ANKRD24: variants seen among roughly 807,000 people sequenced by gnomAD.
The protein encoded by ANKRD24 is ankyrin repeat domain-containing protein 24.
Under a neutral mutation model 127.8 loss-of-function variants are expected in ANKRD24, and 109 were observed. That is an observed-to-expected ratio of 0.85 (90% CI 0.73 to 1.00). The LOEUF (loss-of-function observed/expected upper bound fraction) is 1.00, where lower values mean the gene tolerates loss of function less well. Ranked by LOEUF, ANKRD24 falls within the 50% of genes least tolerant of loss-of-function variation. The pLI, the probability that ANKRD24 is intolerant of heterozygous loss-of-function variation, is 0.00. For missense variants in ANKRD24, 1,648 were observed against 1,570.2 expected (o/e 1.05, Z -0.84); for synonymous variants, 743 against 671.1 (o/e 1.11, Z -1.66).
At chr19:4,210,709 ACACTTCCCATGCC>A (rs139610132) in intron 13 of ANKRD24, among the ~76,000 whole-genome samples, 24,248 of 147,334 alleles carry the variant, frequency 0.16, 2,333 homozygotes, top group East Asian at 0.32. Flanking sequence ...CTCGCCAAAG[ACACTTCCCATGCC>A]CACTTCCCAT....
At position 4,186,404 on chromosome 19, in the gene ANKRD24, G is replaced by T. The variant is rs775812232; in HGVS notation, c.-22G>T. ...GCCCTCCTCAGGTGGCCTGTGGAGA[G>T]GAGAAACACAGGGCACCAACTATGA... On this transcript the variant is annotated 5_prime_UTR_variant, in exon 2 of 22. The change creates a new upstream start codon in the 5' untranslated region. Coordinates refer to ENST00000318934, the MANE Select transcript of ANKRD24 (RefSeq NM_001393985.1). 3 of 1,582,024 alleles carry T rather than the reference G, an allele frequency of 1.9e-6. No homozygotes were observed. In the South Asian group the frequency reaches 3.5e-5, roughly 18 times the overall value.
In ANKRD24 at chr19:4,199,697, CA is replaced by C. The variant is rs1432441785; in HGVS notation, c.52del (p.Thr18LeufsTer61). 1 of 1,537,850 alleles carries C rather than the reference CA, an allele frequency of 6.5e-7. No homozygotes were observed. The highest frequency in any genetic ancestry group is 8.7e-7 in the Non-Finnish European group (1 of 1,144,694). Reference protein sequence around the residue: ...FKKTELRLSPTDLGSCPPCGP... With the variant: ...FKKTELRLSPXDLGSCPPCGP... ...TCCCCCTGCAGCTGCGGCTCAGCCC[CA>C]CTGACCTTGGCTCCTGCCCGCCCTG... On this transcript the variant is annotated frameshift_variant, in exon 3 of 22. Transcript: ENST00000318934. LOFTEE classifies it high-confidence loss of function. The surrounding 1 kb of genome is among the most constrained non-coding windows in gnomAD (Gnocchi z 5.2).
chr19:4,212,452 CCT>C, intron 13 of ANKRD24, 21 bp from the exon 14 acceptor site: 3 of 1,574,500 alleles, frequency 1.9e-6, no homozygotes, highest in Non-Finnish European at 2.6e-6. Flanking sequence ...GATCCAAACC[CCT>C]GTCCCTGTTT....
chr19:4,210,074 A>G lies in ANKRD24; in HGVS notation c.887A>G (p.His296Arg). Residue 296 changes from histidine (H) to arginine (R), a missense_variant, in exon 12 of 22, where the codon CAT becomes CGT. Transcript: ENST00000318934. ...CCTTCCCAGAACTCTATGTCCAGCC[A>G]TGGAAAGCAGGGGGCCCCCAAGAAG... ...EASSQNSMSS[H>R]GKQGAPKKRK... The G allele has an allele frequency of 1.2e-6, 2 of 1,611,896 alleles. No homozygotes were observed. The highest frequency in any genetic ancestry group is 1.7e-6 in the Non-Finnish European group (2 of 1,179,164).
intron 5 of ANKRD24, among the ~76,000 whole-genome samples, chr19:4,200,662 T>C (rs1394586059): frequency 1.3e-5 from 2 of 152,048 alleles, no homozygotes; most frequent in South Asian, 2.1e-4. Flanking sequence ...GCTAGGACTA[T>C]AGGCGCACAC....
chr19:4,200,023 G>A lies in ANKRD24; in HGVS notation c.254+18G>A, dbSNP rs748972060. ...AAGTCCGCGTGAGTGCCCGCGACCCGGGAGTGAGATGGCTGAGGGGTGGCA... is the reference window on the plus strand; with the variant it reads ...AAGTCCGCGTGAGTGCCCGCGACCCAGGAGTGAGATGGCTGAGGGGTGGCA... On this transcript the variant is annotated intron_variant, in intron 4 of 21. Transcript: ENST00000318934. The A allele has an allele frequency of 3.5e-5, 54 of 1,564,020 alleles. No individual in the cohort carries two copies. The highest frequency in any genetic ancestry group is 1.9e-4 in the Admixed American group (10 of 53,344).
chr19:4,214,592 G>A (rs952645185), intron 15 of ANKRD24, among the ~76,000 whole-genome samples: 18 of 152,088 alleles, frequency 1.2e-4, no homozygotes, highest in African/African-American at 3.6e-4. Flanking sequence ...GGTGGCTCAC[G>A]CCTGTAATCT....
chr19:4,189,121 G>A (rs1968230814), intron 2 of ANKRD24, among the ~76,000 whole-genome samples: 1 of 147,950 alleles, frequency 6.8e-6, no homozygotes, highest in Non-Finnish European at 1.5e-5. Flanking sequence ...ATTTTATTTT[G>A]TTTTTAAACT....
chr19:4,202,789 C>T, intron 6 of ANKRD24, 80 bp from the exon 7 acceptor site: 1 of 1,447,952 alleles, frequency 6.9e-7, no homozygotes, highest in African/African-American at 1.4e-5. Context: ...ATAGCAGAGC[C>T]CAGGGTAGGG....
At chr19:4,212,030 C>T (rs1393762356) in intron 13 of ANKRD24, among the ~76,000 whole-genome samples, 1 of 152,006 alleles carries the variant, frequency 6.6e-6, no homozygotes, top group African/African-American at 2.4e-5. Flanking sequence ...GAAACCCCGT[C>T]TCTACTAAAA....
intron 7 of ANKRD24, among the ~76,000 whole-genome samples, chr19:4,205,243 C>G (rs1313454041): frequency 6.6e-6 from 1 of 152,068 alleles, no homozygotes; most frequent in Non-Finnish European, 1.5e-5. Flanking sequence ...TCAAAAAAAC[C>G]AACCAACCAA....
At chr19:4,207,656 G>A (rs572956493) in intron 9 of ANKRD24, 49 bp downstream of exon 9, 39 of 1,606,124 alleles carry the variant, frequency 2.4e-5, no homozygotes, top group Middle Eastern at 3.3e-4. Flanking sequence ...TGTGACCTTC[G>A]GCAAGACTTA....
chr19:4,215,561 G>A (rs1382120655), intron 15 of ANKRD24, among the ~76,000 whole-genome samples: 1 of 147,826 alleles, frequency 6.8e-6, no homozygotes, highest in African/African-American at 2.5e-5. Context: ...GAACCCAGGA[G>A]TTCGAGACTA....
chr19:4,221,115 G>T (rs1286104808), intron 19 of ANKRD24, among the ~76,000 whole-genome samples: 1 of 151,360 alleles, frequency 6.6e-6, no homozygotes, highest in Admixed American at 6.6e-5. Flanking sequence ...GTTTCACTCT[G>T]TCGCTCAGGG....
intron 9 of ANKRD24, 21 bp downstream of exon 9, chr19:4,207,628 C>G (rs1001782594): frequency 8.7e-6 from 14 of 1,610,168 alleles, no homozygotes; most frequent in Non-Finnish European, 1.0e-5. Flanking sequence ...CCCCTCCCAG[C>G]CAGTCCACCC....
chr19:4,222,218 G>A (rs867291382), intron 19 of ANKRD24, among the ~76,000 whole-genome samples: 6 of 152,088 alleles, frequency 3.9e-5, no homozygotes, highest in Admixed American at 6.6e-5. Flanking sequence ...GCGAAACCCC[G>A]TCTCTACTAA....
rs535161171 is a variant in ANKRD24 at position 4,195,458 on chromosome 19, C to G, written c.37-4225C>G. 2.0e-5 allele frequency among the ~76,000 whole-genome samples: 3 copies of G among 152,146 alleles called. No homozygotes were observed. Among genetic ancestry groups the G allele is most frequent in the African/African-American group, 4.8e-5 (2 of 41,440 alleles). On this transcript the variant is annotated intron_variant, in intron 2 of 21. Coordinates refer to ENST00000318934, the MANE Select transcript of ANKRD24 (RefSeq NM_001393985.1). The surrounding 1 kb of genome is among the most constrained non-coding windows in gnomAD (Gnocchi z 4.2). ...AAGCCCTGAGCTGGGAGATCCGTTT[C>G]GGTCTCTTCTCTGGAGAAGCTCAGA... is the stretch of plus-strand genomic sequence containing the variant.
At chr19:4,187,152 C>T (rs1968110977) in intron 2 of ANKRD24, among the ~76,000 whole-genome samples, 1 of 151,574 alleles carries the variant, frequency 6.6e-6, no homozygotes, top group Non-Finnish European at 1.5e-5. Flanking sequence ...GTGGCTCACA[C>T]CTGTAATCCC....
chr19:4,200,159 G>T lies in ANKRD24; in HGVS notation c.331G>T (p.Ala111Ser). 6.2e-7 allele frequency: 1 copy of T among 1,602,394 alleles called. No homozygotes were observed. The highest frequency in any genetic ancestry group is 8.5e-7 in the Non-Finnish European group (1 of 1,174,892). ...MIAHGSNVMS[A>S]DGAGYNALHL... ...AGCTCATGGCAGCAATGTCATGAGCGCGGACGGGGCAGGTACTGCCAGCTG... is the reference window on the plus strand; with the variant it reads ...AGCTCATGGCAGCAATGTCATGAGCTCGGACGGGGCAGGTACTGCCAGCTG... The change falls in exon 5 of 22, where the codon GCG becomes TCG. Residue 111 changes from alanine to serine, a missense_variant. Transcript: ENST00000318934.
Sources: allele counts gnomAD v4.1 joint callset (sites outside exome capture counted in the v4.1 genomes callset), GRCh38; gene constraint gnomAD v4.1.1; non-coding constraint Gnocchi (gnomAD v3.1); transcripts MANE v1.5; gene names NCBI Gene and HGNC (gene_info 2026-07-23, HGNC 2026-07-21).